Variants in EPYC observed in about 807,000 individuals in gnomAD.
The protein encoded by EPYC is epiphycan.
In EPYC, 28 loss-of-function variants were observed where a neutral mutation model predicts 30.1. The observed-to-expected ratio is 0.93, with a 90% confidence interval of 0.69 to 1.28. EPYC has a LOEUF of 1.28. Among genes scored for constraint, EPYC ranks in the 50% most tolerant of loss-of-function variants. The pLI is 0.00. For synonymous variants in EPYC, 144 were observed against 141.4 expected, an observed-to-expected ratio of 1.02 and a Z score of -0.13; for missense variants, 382 against 383.5, an observed-to-expected ratio of 1.00 and a Z score of 0.03.
intron 2 of EPYC, among the ~76,000 whole-genome samples, chr12:90,997,958 C>T (rs1488644827): frequency 1.3e-5 from 2 of 151,932 alleles, no homozygotes; most frequent in African/African-American, 4.8e-5. Flanking sequence ...GAATAATAGT[C>T]TTTTATCACC....
intron 2 of EPYC, among the ~76,000 whole-genome samples, chr12:91,001,815 CTCTGT>C (rs1450804800): frequency 6.6e-6 from 1 of 151,950 alleles, no homozygotes; most frequent in Non-Finnish European, 1.5e-5. Flanking sequence ...TTCTAATTTT[CTCTGT>C]TCTAACTTCA....
intron 3 of EPYC, among the ~76,000 whole-genome samples, chr12:90,976,170 A>G (rs1326467688): frequency 6.6e-6 from 1 of 152,150 alleles, no homozygotes; most frequent in Non-Finnish European, 1.5e-5. Context: ...GGTGGTTATC[A>G]GAGCCTCAGG....
intron 2 of EPYC, among the ~76,000 whole-genome samples, chr12:90,989,017 A>G (rs1437896059): frequency 6.6e-6 from 1 of 152,088 alleles, no homozygotes; most frequent in Non-Finnish European, 1.5e-5. Context: ...CATCATGTAG[A>G]TATAGGTTAA....
intron 6 of EPYC, among the ~76,000 whole-genome samples, chr12:90,968,014 A>G (rs1221628996): frequency 1.3e-5 from 2 of 152,084 alleles, no homozygotes; most frequent in Non-Finnish European, 2.9e-5. Context: ...AAGATGGAAT[A>G]CTTCATTACT....
chr12:90,999,882 A>G (rs898817956), intron 2 of EPYC, among the ~76,000 whole-genome samples: 1 of 151,896 alleles, frequency 6.6e-6, no homozygotes, highest in Non-Finnish European at 1.5e-5. Context: ...TTTGTTCCTC[A>G]TGTCATCTTA....
chr12:90,989,272 A>G (rs189035357), intron 2 of EPYC, among the ~76,000 whole-genome samples: 30 of 152,106 alleles, frequency 2.0e-4, no homozygotes, highest in Admixed American at 1.4e-3. Flanking sequence ...CTTAGATCTT[A>G]TTTGTTGTAG....
chr12:90,970,179 A>AT, intron 5 of EPYC, 40 bp from the exon 6 acceptor site: 1 of 1,394,126 alleles, frequency 7.2e-7, no homozygotes, highest in Non-Finnish European at 1.0e-6. Flanking sequence ...TAAAAACTCA[A>AT]TAAAAACTCA....
At chr12:90,965,554 G>C (rs1047298229) in intron 6 of EPYC, among the ~76,000 whole-genome samples, 1 of 152,096 alleles carries the variant, frequency 6.6e-6, no homozygotes, top group African/African-American at 2.4e-5. Flanking sequence ...AAATAAGTGA[G>C]TATGAGTTGG....
At chr12:90,994,731 G>C (rs1221866198) in intron 2 of EPYC, among the ~76,000 whole-genome samples, 1 of 152,096 alleles carries the variant, frequency 6.6e-6, no homozygotes, top group Non-Finnish European at 1.5e-5. Flanking sequence ...AGAAAGCCCA[G>C]ACCTAGAGCA....
At chr12:90,977,439 T>G (rs10859086) in intron 3 of EPYC, among the ~76,000 whole-genome samples, 114,734 of 151,994 alleles carry the variant, frequency 0.75, 45,067 homozygotes, top group Non-Finnish European at 0.86. Flanking sequence ...CCTCTCTCTG[T>G]TGCTTCTTAG....
intron 2 of EPYC, among the ~76,000 whole-genome samples, chr12:90,990,655 CAA>C (rs761540226): frequency 1.1e-4 from 17 of 152,042 alleles, no homozygotes; most frequent in Non-Finnish European, 2.5e-4. Context: ...TAATTATAGT[CAA>C]AAGATTGTTG....
chr12:90,982,210 A>C (rs1235251716), intron 2 of EPYC, among the ~76,000 whole-genome samples: 4 of 152,180 alleles, frequency 2.6e-5, no homozygotes, highest in Admixed American at 2.6e-4. Context: ...GCTGGAATAC[A>C]GCAATAGACT....
At chr12:90,977,928 A>G (rs1200650031) in intron 3 of EPYC, among the ~76,000 whole-genome samples, 160 bp downstream of exon 3, 1 of 152,144 alleles carries the variant, frequency 6.6e-6, no homozygotes, top group Admixed American at 6.6e-5. Flanking sequence ...ACTGCTTTAT[A>G]TTTGAATATA....
chr12:90,975,293 G>C (rs1194665032), intron 3 of EPYC, among the ~76,000 whole-genome samples: 1 of 151,828 alleles, frequency 6.6e-6, no homozygotes, highest in African/African-American at 2.4e-5. Flanking sequence ...TGATTGCTTA[G>C]GGTAATTTAT....
intron 2 of EPYC, among the ~76,000 whole-genome samples, chr12:90,987,216 T>C (rs1877471445): frequency 6.6e-6 from 1 of 151,952 alleles, no homozygotes; most frequent in African/African-American, 2.4e-5. Flanking sequence ...TAAACCACAA[T>C]AACATCTCTG....
intron 3 of EPYC, among the ~76,000 whole-genome samples, chr12:90,975,358 G>T (rs970581003): frequency 5.3e-5 from 8 of 151,866 alleles, no homozygotes; most frequent in African/African-American, 1.9e-4. Flanking sequence ...CTAACTCAAG[G>T]CTATATTACA....
chr12:90,992,664 A>C (rs1255389953), intron 2 of EPYC, among the ~76,000 whole-genome samples: 1 of 152,134 alleles, frequency 6.6e-6, no homozygotes, highest in Non-Finnish European at 1.5e-5. Context: ...CATATTTACA[A>C]ACTGTGCCAG....
intron 6 of EPYC, among the ~76,000 whole-genome samples, chr12:90,968,121 G>A (rs977529119): frequency 6.6e-6 from 1 of 152,104 alleles, no homozygotes; most frequent in Non-Finnish European, 1.5e-5. Context: ...AATCATGTAT[G>A]TATTGACCCT....
chr12:90,970,355 A>G (rs929212709), intron 5 of EPYC, among the ~76,000 whole-genome samples: 7 of 152,204 alleles, frequency 4.6e-5, no homozygotes, highest in Non-Finnish European at 1.0e-4. Flanking sequence ...ACAAGCAAAT[A>G]TTTCTTCATA....
Sources: allele counts gnomAD v4.1 joint callset (sites outside exome capture counted in the v4.1 genomes callset), GRCh38; gene constraint gnomAD v4.1.1; transcripts MANE v1.5; gene names NCBI Gene and HGNC (gene_info 2026-07-23, HGNC 2026-07-21).